Variants in CD36 observed in about 807,000 individuals in gnomAD.
CD36 encodes CD36 molecule (CD36 blood group), also known as platelet glycoprotein 4.
CD36 carries 119 observed loss-of-function variants against 55.2 expected under a neutral mutation model. The observed-to-expected ratio is 2.15, with a 90% confidence interval of 1.86 to 2.51. The LOEUF (loss-of-function observed/expected upper bound fraction) is 2.51. CD36 is among the 30% of genes most tolerant of loss of function. CD36 has a pLI of 0.00. For missense variants in CD36, 819 were observed against 555.5 expected, an observed-to-expected ratio of 1.47 and a Z score of -4.77; for synonymous variants, 186 against 193.6, an observed-to-expected ratio of 0.96 and a Z score of 0.33.
rs1798174578 is a variant in CD36 at position 80,676,636 on chromosome 7, C to T, written c.*253C>T. The T allele has an allele frequency of 6.6e-6, 1 of 152,158 alleles. No homozygotes were observed. Among genetic ancestry groups the T allele is most frequent in the Non-Finnish European group, 1.5e-5 (1 of 68,030 alleles). 9.4% of individuals were successfully genotyped at this position (152,158 alleles called of 1,614,324 possible). A position where few individuals can be genotyped will look rare whatever the true frequency, so the allele number is the denominator to read the frequency against. ...ATTTATAAATAATTGGCTTATGACT[C>T]ATATTTCTCTATGAATACCTTCATA... On this transcript the variant is annotated 3_prime_UTR_variant, in exon 15 of 15. Transcript: ENST00000447544.
rs565803092 is a variant in CD36, at chr7:80,616,530, A to C, written c.-184+14151A>C. Among the ~76,000 whole-genome samples, 4 of 152,088 alleles carry C rather than the reference A, an allele frequency of 2.6e-5. No individual in the cohort carries two copies. In the East Asian group the frequency reaches 7.8e-4, roughly 30 times the overall value. On this transcript the variant is annotated intron_variant, in intron 1 of 13. Transcript: ENST00000309881. ...ATGGTATGACAGTCCAGTATTTTAA[A>C]GTGATTTCTCTAGAGGAAAGTTATT...
chr7:80,614,799 TCTG>T (rs1339910921), intron 1 of CD36, among the ~76,000 whole-genome samples: 1 of 152,190 alleles, frequency 6.6e-6, no homozygotes, highest in African/African-American at 2.4e-5. Flanking sequence ...TGTTATTTGC[TCTG>T]CTACTTGTTA....
At chr7:80,611,874 G>A (rs1792894388) in intron 1 of CD36, among the ~76,000 whole-genome samples, 1 of 152,228 alleles carries the variant, frequency 6.6e-6, no homozygotes, top group South Asian at 2.1e-4. Context: ...TGTAGTATCT[G>A]TGGCTTGGAC....
intron 8 of CD36, among the ~76,000 whole-genome samples, chr7:80,667,960 G>A (rs1215408716): frequency 1.3e-5 from 2 of 151,854 alleles, no homozygotes; most frequent in African/African-American, 4.8e-5. Flanking sequence ...TGTTGGCCAG[G>A]ATGGTCTTGA....
chr7:80,634,803 T>A (rs1276041187), upstream of CD36, among the ~76,000 whole-genome samples: 1 of 148,104 alleles, frequency 6.8e-6, no homozygotes, highest in Non-Finnish European at 1.5e-5. Context: ...GAAAGTTTAT[T>A]TTTTTTTTAG....
chr7:80,668,013 C>G (rs981962353), intron 8 of CD36, among the ~76,000 whole-genome samples: 1 of 152,038 alleles, frequency 6.6e-6, no homozygotes, highest in Non-Finnish European at 1.5e-5. Context: ...TCCCAAAGTG[C>G]TGGGATTACA....
intron 13 of CD36, 188 bp from the exon 14 acceptor site, chr7:80,673,795 G>A (rs1797968554): frequency 1.6e-6 from 1 of 619,714 alleles, no homozygotes; most frequent in Non-Finnish European, 2.9e-6. Flanking sequence ...GTACATTGAA[G>A]AGTACCGTAC....
intron 1 of CD36, among the ~76,000 whole-genome samples, chr7:80,610,371 C>A (rs1792809172): frequency 6.6e-6 from 1 of 151,958 alleles, no homozygotes; most frequent in African/African-American, 2.4e-5. Context: ...ATTTTGGTAG[C>A]CATTTACTGA....
intron 3 of CD36, 158 bp downstream of exon 3, chr7:80,647,018 CT>C: frequency 1.4e-6 from 1 of 690,050 alleles, no homozygotes; most frequent in Non-Finnish European, 2.5e-6. Flanking sequence ...TATGATGCGA[CT>C]TTATGTGAAA....
chr7:80,649,371 C>CAAA (rs1391735994), intron 3 of CD36, among the ~76,000 whole-genome samples: 4 of 151,868 alleles, frequency 2.6e-5, no homozygotes, highest in Non-Finnish European at 5.9e-5. Flanking sequence ...AACAAACAAA[C>CAAA]AAAAAACTGT....
Position 80,678,045 on chromosome 7 carries a change from A to T in CD36, c.*1662A>T, listed in dbSNP as rs968905619. 4 of 151,700 alleles carry T rather than the reference A, an allele frequency of 2.6e-5. No individual in the cohort carries two copies. Among genetic ancestry groups the T allele is most frequent in the African/African-American group, 9.7e-5 (4 of 41,276 alleles). 9.4% of individuals were successfully genotyped at this position (151,700 alleles called of 1,614,324 possible). A position where few individuals can be genotyped will look rare whatever the true frequency, so the allele number is the denominator to read the frequency against. The stretch of plus-strand genomic sequence containing the variant: ...ATGCAGTAGGAAAAATAATTACTTA[A>T]GGGGAGATTTTTTTTACATGAAATC... On this transcript the variant is annotated 3_prime_UTR_variant, in exon 15 of 15. Transcript: ENST00000447544.
intron 1 of CD36, among the ~76,000 whole-genome samples, chr7:80,620,113 T>C (rs1793380873): frequency 6.6e-6 from 1 of 151,742 alleles, no homozygotes; most frequent in Non-Finnish European, 1.5e-5. Context: ...ACCATGTTTT[T>C]CCTCTGCCTC....
At chr7:80,675,553 A>G (rs185653201) in intron 14 of CD36, among the ~76,000 whole-genome samples, 2 of 152,170 alleles carry the variant, frequency 1.3e-5, no homozygotes, top group African/African-American at 2.4e-5. Flanking sequence ...CAACAAATAT[A>G]TTAGTTTTGC....
At chr7:80,666,412 A>T in intron 7 of CD36, 31 bp from the exon 8 acceptor site, 1 of 1,449,564 alleles carries the variant, frequency 6.9e-7, no homozygotes, top group Non-Finnish European at 9.7e-7. Context: ...TTAAATAAGA[A>T]TGTTTATTCA....
intron 9 of CD36, chr7:80,670,455 A>G (rs1158386113): frequency 8.9e-6 from 2 of 223,796 alleles, no homozygotes; most frequent in Non-Finnish European, 1.8e-5. Flanking sequence ...GGCATTTAAC[A>G]TCTCTGAATT....
chr7:80,621,689 T>G, intron 1 of CD36, among the ~76,000 whole-genome samples: 1 of 152,218 alleles, frequency 6.6e-6, no homozygotes, highest in African/African-American at 2.4e-5. Flanking sequence ...ATTTTAAAAA[T>G]TAACTTCATA....
At chr7:80,651,715 C>A (rs1276777553) in intron 3 of CD36, among the ~76,000 whole-genome samples, 1 of 152,040 alleles carries the variant, frequency 6.6e-6, no homozygotes, top group African/African-American at 2.4e-5. Flanking sequence ...TGAGACCAGC[C>A]TGGGCAACAT....
At position 80,671,222 on chromosome 7, in the gene CD36, T is replaced by A. The variant is rs4986862; in HGVS notation, c.1006+58T>A. 1.8e-3 allele frequency: 2,137 copies of A among 1,176,010 alleles called. 66 individuals carry two copies. The South Asian group carries it at 0.026, about 14-fold the overall frequency. The allele number at this position is 1,176,010 out of a possible 1,614,324, so 72.8% of individuals were successfully genotyped here. The stretch of plus-strand genomic sequence containing the variant: ...CCATAATTTGTGATATTCTTTAAGA[T>A]GAGAACTTTACCATAATCCTTTAGC... On this transcript the variant is annotated intron_variant, in intron 10 of 14. Coordinates refer to ENST00000447544, the MANE Select transcript of CD36 (RefSeq NM_001001548.3).
At chr7:80,649,383 G>A (rs1332512836) in intron 3 of CD36, among the ~76,000 whole-genome samples, 2 of 151,964 alleles carry the variant, frequency 1.3e-5, no homozygotes, top group Admixed American at 1.3e-4. Flanking sequence ...AAAAACTGTA[G>A]GATATGACCA....
Sources: allele counts gnomAD v4.1 joint callset (sites outside exome capture counted in the v4.1 genomes callset), GRCh38; gene constraint gnomAD v4.1.1; transcripts MANE v1.5; gene names NCBI Gene and HGNC (gene_info 2026-07-23, HGNC 2026-07-21).